GALNTL6: variants seen among roughly 807,000 people sequenced by gnomAD.
GALNTL6 encodes the protein polypeptide N-acetylgalactosaminyltransferase like 6.
GALNTL6 carries 46 observed loss-of-function variants against 73.7 expected under a neutral mutation model. The observed-to-expected ratio is 0.62, with a 90% confidence interval of 0.49 to 0.80. The LOEUF (loss-of-function observed/expected upper bound fraction) is 0.80, where lower values mean the gene tolerates loss of function less well. Ranked by LOEUF, GALNTL6 falls within the 30% of genes least tolerant of loss-of-function variation. GALNTL6 has a pLI of 0.00. For synonymous variants in GALNTL6, 259 were observed against 263.7 expected (o/e 0.98, Z 0.17); for missense variants, 604 against 755.0 (o/e 0.80, Z 2.34).
intron 5 of GALNTL6, among the ~76,000 whole-genome samples, chr4:172,597,015 C>T (rs911367528): frequency 2.6e-4 from 39 of 152,036 alleles, no homozygotes; most frequent in African/African-American, 9.4e-4. Context: ...GTATAAATAG[C>T]AAAATTACAT....
At chr4:172,251,352 G>A (rs955454165) in intron 3 of GALNTL6, among the ~76,000 whole-genome samples, 1 of 152,056 alleles carries the variant, frequency 6.6e-6, no homozygotes, top group South Asian at 2.1e-4. Context: ...CAATCTCATC[G>A]AAAGGAACTC....
At chr4:173,005,884 A>C (rs1266384633) in intron 10 of GALNTL6, among the ~76,000 whole-genome samples, 1 of 152,228 alleles carries the variant, frequency 6.6e-6, no homozygotes, top group Non-Finnish European at 1.5e-5. Flanking sequence ...TTGTCTACAC[A>C]GATGCCACTT....
intron 3 of GALNTL6, among the ~76,000 whole-genome samples, chr4:172,237,557 T>C (rs1398708488): frequency 6.6e-6 from 1 of 152,210 alleles, no homozygotes; most frequent in Non-Finnish European, 1.5e-5. Flanking sequence ...ACTGTGTTAA[T>C]AGTTTTCTTT....
chr4:172,000,232 A>G (rs975773577), intron 2 of GALNTL6, among the ~76,000 whole-genome samples: 55 of 152,348 alleles, frequency 3.6e-4, no homozygotes, highest in African/African-American at 1.3e-3. Context: ...TAATTGAACA[A>G]TTATGACTAA....
intron 7 of GALNTL6, among the ~76,000 whole-genome samples, chr4:172,872,370 C>T (rs1434208280): frequency 6.6e-6 from 1 of 152,184 alleles, no homozygotes; most frequent in Non-Finnish European, 1.5e-5. Context: ...CCCTTCCCCT[C>T]AATTAGGACA....
At chr4:171,944,360 T>C (rs1330698271) in intron 2 of GALNTL6, among the ~76,000 whole-genome samples, 1 of 152,042 alleles carries the variant, frequency 6.6e-6, no homozygotes, top group Non-Finnish European at 1.5e-5. Flanking sequence ...CTAAACAGTA[T>C]GAAGACTAAG....
chr4:172,583,116 C>A (rs1239802736), intron 5 of GALNTL6, among the ~76,000 whole-genome samples: 1 of 151,474 alleles, frequency 6.6e-6, no homozygotes, highest in Non-Finnish European at 1.5e-5. Context: ...CCTAACAAAA[C>A]CTCCCTGCCC....
intron 9 of GALNTL6, among the ~76,000 whole-genome samples, chr4:172,949,636 G>A (rs1013003243): frequency 3.3e-5 from 5 of 152,036 alleles, no homozygotes; most frequent in South Asian, 4.1e-4. Context: ...CTAGCGGGGT[G>A]CGCTGGCTCA....
intron 10 of GALNTL6, among the ~76,000 whole-genome samples, chr4:172,989,003 G>A (rs1016033911): frequency 6.6e-6 from 1 of 152,222 alleles, no homozygotes; most frequent in African/African-American, 2.4e-5. Flanking sequence ...GTGCAGAGGG[G>A]AAATGTGGTG....
intron 5 of GALNTL6, among the ~76,000 whole-genome samples, chr4:172,565,146 T>C (rs1008256379): frequency 6.6e-6 from 1 of 152,164 alleles, no homozygotes; most frequent in Admixed American, 6.5e-5. Context: ...ACTAATCCCA[T>C]TTATGAAGGC....
chr4:171,860,559 A>C (rs1735805869), intron 2 of GALNTL6, among the ~76,000 whole-genome samples: 1 of 152,174 alleles, frequency 6.6e-6, no homozygotes, highest in Non-Finnish European at 1.5e-5. Flanking sequence ...TCTACTTTAT[A>C]ATCCTTTAGC....
chr4:172,249,777 CAA>C (rs1737791168), intron 3 of GALNTL6, among the ~76,000 whole-genome samples: 1 of 151,944 alleles, frequency 6.6e-6, no homozygotes, highest in Non-Finnish European at 1.5e-5. Context: ...TCTCAGAAGA[CAA>C]GAATTGAGGT....
intron 5 of GALNTL6, among the ~76,000 whole-genome samples, chr4:172,765,076 T>C (rs1468845958): frequency 6.6e-6 from 1 of 152,234 alleles, no homozygotes; most frequent in Non-Finnish European, 1.5e-5. Context: ...CCTTGAGTAC[T>C]GATTTGTGGA....
At chr4:172,624,459 C>T (rs1328543667) in intron 5 of GALNTL6, among the ~76,000 whole-genome samples, 1 of 151,720 alleles carries the variant, frequency 6.6e-6, no homozygotes, top group African/African-American at 2.4e-5. Context: ...TTTTGAGCAA[C>T]CAGCGTACAG....
intron 5 of GALNTL6, among the ~76,000 whole-genome samples, chr4:172,469,314 G>A (rs1732953293): frequency 6.6e-6 from 1 of 152,150 alleles, no homozygotes; most frequent in Non-Finnish European, 1.5e-5. Context: ...TTACAGTAAA[G>A]AAATGTTGGG....
intron 4 of GALNTL6, among the ~76,000 whole-genome samples, chr4:172,345,510 T>G (rs1417307125): frequency 2.0e-5 from 3 of 152,152 alleles, no homozygotes; most frequent in African/African-American, 7.2e-5. Flanking sequence ...TTTTAAAAAC[T>G]TATTTAAAAG....
chr4:171,895,575 G>T (rs541644612), intron 2 of GALNTL6, among the ~76,000 whole-genome samples: 24 of 152,212 alleles, frequency 1.6e-4, no homozygotes, highest in African/African-American at 5.8e-4. Flanking sequence ...CTAACTAACT[G>T]AAAATTACTC....
At chr4:172,165,179 A>G (rs190998734) in intron 2 of GALNTL6, among the ~76,000 whole-genome samples, 2 of 152,166 alleles carry the variant, frequency 1.3e-5, no homozygotes, top group African/African-American at 2.4e-5. Flanking sequence ...CTTAATTTGT[A>G]CTGGATTTTA....
chr4:172,276,045 TA>T (rs1738821343), intron 3 of GALNTL6, among the ~76,000 whole-genome samples: 1 of 152,218 alleles, frequency 6.6e-6, no homozygotes, highest in African/African-American at 2.4e-5. Context: ...ATAATATTTT[TA>T]AACTTCTTTA....
Sources: gnomAD v4.1 joint callset for allele counts (sites outside exome capture counted in the v4.1 genomes callset) on GRCh38, gnomAD v4.1.1 for gene constraint, MANE v1.5 for transcripts, NCBI Gene and HGNC (gene_info 2026-07-23, HGNC 2026-07-21) for gene names.